Variants in HMCN1 observed in about 807,000 individuals in gnomAD.
HMCN1 encodes hemicentin 1.
A neutral mutation model predicts 625.9 loss-of-function variants in HMCN1; 321 were observed. That is an observed-to-expected ratio of 0.51 (90% CI 0.47 to 0.56). The LOEUF is 0.56. Ranked by LOEUF, HMCN1 falls within the 20% of genes least tolerant of loss-of-function variation. The pLI is 0.00. For missense variants in HMCN1, 6,588 were observed against 6,887.3 expected (o/e 0.96, Z 1.54); for synonymous variants, 2,425 against 2,417.6 (o/e 1.00, Z -0.09).
intron 4 of HMCN1, among the ~76,000 whole-genome samples, chr1:185,886,612 T>C (rs577721157): frequency 1.4e-3 from 210 of 152,200 alleles, no homozygotes; most frequent in Non-Finnish European, 2.4e-3. Flanking sequence ...TAGAAAATTG[T>C]GTTTACCACA....
At chr1:186,006,646 T>C (rs1653653017) in intron 29 of HMCN1, among the ~76,000 whole-genome samples, 1 of 151,788 alleles carries the variant, frequency 6.6e-6, no homozygotes, top group Non-Finnish European at 1.5e-5. Flanking sequence ...TTGCCTTTAG[T>C]AAAAATAACC....
chr1:186,030,595 T>C (rs1655365377), intron 36 of HMCN1, among the ~76,000 whole-genome samples: 1 of 152,042 alleles, frequency 6.6e-6, no homozygotes, highest in African/African-American at 2.4e-5. Context: ...TGTGCTATTA[T>C]AGGCAACATA....
At chr1:185,772,448 T>C (rs188154866) in intron 1 of HMCN1, among the ~76,000 whole-genome samples, 182 of 152,196 alleles carry the variant, frequency 1.2e-3, no homozygotes, top group Non-Finnish European at 2.1e-3. Context: ...CAATTGAACA[T>C]GGGTAATGAA....
At chr1:185,868,611 C>A (rs1005822149) in intron 4 of HMCN1, among the ~76,000 whole-genome samples, 1 of 152,094 alleles carries the variant, frequency 6.6e-6, no homozygotes, top group African/African-American at 2.4e-5. Flanking sequence ...TCTGAGGCCT[C>A]CCCAACCATG....
At position 186,062,490 on chromosome 1, in the gene HMCN1, TTTG is replaced by T. The variant is rs753268114; in HGVS notation, c.7427-9_7427-7del. 1.7e-4 allele frequency: 245 copies of T among 1,410,224 alleles called. No individual in the cohort carries two copies. Among genetic ancestry groups the T allele is most frequent in the South Asian group, 3.1e-4 (27 of 86,916 alleles). 87.4% of individuals were successfully genotyped at this position (1,410,224 alleles called of 1,614,324 possible). A position where few individuals can be genotyped will look rare whatever the true frequency, so the allele number is the denominator to read the frequency against. On this transcript the variant is annotated intron_variant, in intron 47 of 106. Transcript: ENST00000271588. ...CAGCTTTGCTGTTAAGAGCTGTTAT[TTTG>T]TTGTTGTTGTTGTTTTTTAGTACCA...
In HMCN1 at chr1:186,103,899, T is replaced by G. The variant is rs893078843; in HGVS notation, c.10770+231T>G. 3.9e-5 allele frequency among the ~76,000 whole-genome samples: 6 copies of G among 152,188 alleles called. No individual in the cohort carries two copies. The East Asian group carries it at 1.2e-3, about 29-fold the overall frequency. On this transcript the variant is annotated intron_variant, in intron 69 of 106. Transcript: ENST00000271588. ...AGCAAGATACCTTTCCATTAACTTTTGCAAGTTTTCACAGTGCTATAAGTG... is the reference window on the plus strand; with the variant it reads ...AGCAAGATACCTTTCCATTAACTTTGGCAAGTTTTCACAGTGCTATAAGTG...
intron 36 of HMCN1, among the ~76,000 whole-genome samples, chr1:186,035,023 A>G (rs533141155): frequency 6.6e-6 from 1 of 152,324 alleles, no homozygotes; most frequent in South Asian, 2.1e-4. Flanking sequence ...AAATTCTTCA[A>G]TGAGCACTTC....
Position 185,922,473 on chromosome 1 carries a change from A to G in HMCN1, c.995A>G (p.Lys332Arg). 6.2e-7 allele frequency: 1 copy of G among 1,613,672 alleles called. No individual in the cohort carries two copies. The highest frequency in any genetic ancestry group is 8.5e-7 in the Non-Finnish European group (1 of 1,179,700). Residue 332 changes from lysine to arginine, a missense_variant, in exon 7 of 107, where the codon AAA becomes AGA. Lys to Arg is a conservative substitution (Grantham distance 26). Transcript: ENST00000271588. ...TCTCGAAAGCCCACCCTGGACTTCA[A>G]AAAAACAGTCAGCAGACCAGTGCAA... Reference protein sequence around the residue: ...GFSRKPTLDFKKTVSRPVQGI... With the variant: ...GFSRKPTLDFRKTVSRPVQGI...
intron 1 of HMCN1, among the ~76,000 whole-genome samples, chr1:185,837,190 C>A (rs1389254307): frequency 6.6e-6 from 1 of 151,886 alleles, no homozygotes; most frequent in East Asian, 1.9e-4. Context: ...ACTTGTAATA[C>A]ATGTAACTGT....
chr1:185,822,845 C>G (rs1310638684), intron 1 of HMCN1, among the ~76,000 whole-genome samples: 5 of 151,308 alleles, frequency 3.3e-5, no homozygotes, highest in Admixed American at 6.6e-5. Context: ...TCTTATTTGA[C>G]TGATAATACT....
chr1:185,785,501 C>T (rs913255719), intron 1 of HMCN1, among the ~76,000 whole-genome samples: 19 of 152,166 alleles, frequency 1.2e-4, no homozygotes, highest in Non-Finnish European at 2.8e-4. Context: ...AGTCTGTGCT[C>T]AGTTTCAAAC....
intron 97 of HMCN1, among the ~76,000 whole-genome samples, chr1:186,163,404 G>A (rs947767957): frequency 5.9e-5 from 9 of 151,962 alleles, no homozygotes; most frequent in South Asian, 4.2e-4. Flanking sequence ...CGCACGGTGC[G>A]CTGCACCCAC....
chr1:185,778,189 G>A (rs1323633518), intron 1 of HMCN1, among the ~76,000 whole-genome samples: 1 of 152,078 alleles, frequency 6.6e-6, no homozygotes, highest in Non-Finnish European at 1.5e-5. Context: ...GTCAGTGAGG[G>A]ATTCCTGACT....
chr1:185,889,202 A>G (rs545718476), intron 4 of HMCN1, among the ~76,000 whole-genome samples: 2,267 of 139,278 alleles, frequency 0.016, 35 homozygotes, highest in African/African-American at 0.071. Flanking sequence ...GCTTAAGGAG[A>G]TTTTGGGCTG....
chr1:185,903,134 A>G (rs1213146180), intron 4 of HMCN1, among the ~76,000 whole-genome samples: 1 of 151,864 alleles, frequency 6.6e-6, no homozygotes, highest in Non-Finnish European at 1.5e-5. Flanking sequence ...AAAATTTTAT[A>G]AAGATAAATT....
At position 186,093,725 on chromosome 1, in the gene HMCN1, C is replaced by T. The variant is rs541176268; in HGVS notation, c.10196+56C>T. The T allele has an allele frequency of 3.3e-4, 536 of 1,603,870 alleles. 3 individuals are homozygous for T. In the African/African-American group the frequency reaches 6.3e-3, roughly 19 times the overall value. On this transcript the variant is annotated intron_variant, in intron 66 of 106. Transcript: ENST00000271588. ...CAGATGAAGTAACTGTGATTGTAGA[C>T]TTTTCCTTCATTTAAACAGTGTTGA...
At chr1:186,055,743 T>G in intron 45 of HMCN1, 69 bp downstream of exon 45, 1 of 1,444,976 alleles carries the variant, frequency 6.9e-7, no homozygotes, top group Admixed American at 1.7e-5. Context: ...ATGGGAGATA[T>G]AGGCCTCAAG....
At chr1:186,188,619 G>T (rs74390926) in intron 106 of HMCN1, among the ~76,000 whole-genome samples, 2 of 152,266 alleles carry the variant, frequency 1.3e-5, no homozygotes, top group East Asian at 3.9e-4. Context: ...GAAAACAAGT[G>T]ATAATATTCC....
Position 186,074,981 on chromosome 1 carries a change from T to C in HMCN1, c.8290+90T>C, listed in dbSNP as rs1007557750. On this transcript the variant is annotated intron_variant, in intron 53 of 106. Transcript: ENST00000271588. ...ATTTGACTTATTTTAAACAGTGTTT[T>C]TTTCTGTTGACAATAATATAAATTC... The C allele has an allele frequency of 2.7e-5, 29 of 1,085,856 alleles. No homozygotes were observed. The Middle Eastern group carries it at 7.8e-4, about 29-fold the overall frequency. The allele number at this position is 1,085,856 out of a possible 1,614,324, so 67.3% of individuals were successfully genotyped here. A position where few individuals can be genotyped will look rare whatever the true frequency, so the allele number is the denominator to read the frequency against.
Sources: gnomAD v4.1 joint callset for allele counts (sites outside exome capture counted in the v4.1 genomes callset) on GRCh38, gnomAD v4.1.1 for gene constraint, MANE v1.5 for transcripts, NCBI Gene and HGNC (gene_info 2026-07-23, HGNC 2026-07-21) for gene names.